Variants in CUL9 observed in about 807,000 individuals in gnomAD.
The protein encoded by CUL9 is cullin 9, also known as cullin-9.
In CUL9, 79 loss-of-function variants were observed where a neutral mutation model predicts 272.6. The ratio of observed to expected loss-of-function variants is 0.29; its 90% CI spans 0.24 to 0.35. CUL9 has a LOEUF of 0.35. CUL9 is among the 10% of genes least tolerant of loss of function. The pLI is 1.00. For synonymous variants in CUL9, 1,186 were observed against 1,286.5 expected, an observed-to-expected ratio of 0.92 and a Z score of 1.67; for missense variants, 2,532 against 3,255.6, an observed-to-expected ratio of 0.78 and a Z score of 5.41.
intron 11 of CUL9, 78 bp from the exon 12 acceptor site, chr6:43,198,531 G>A: frequency 1.3e-6 from 2 of 1,561,718 alleles, no homozygotes; most frequent in Non-Finnish European, 1.7e-6. Flanking sequence ...GTGATTTTCT[G>A]GACCTTCCCA....
rs1270604482 is a variant in CUL9 at position 43,213,065 on chromosome 6, A to G, written c.5213-84A>G. The stretch of plus-strand genomic sequence containing the variant: ...GGCCCTCCTCCCCATAGGGACTAGT[A>G]GGAGCAAAGCTTGACACCTCAACCC... On this transcript the variant is annotated intron_variant, in intron 26 of 40. Transcript: ENST00000252050. This position sits in a 1 kb window ranked among gnomAD's most constrained non-coding sequence, Gnocchi z 5.7. 2.0e-6 allele frequency: 3 copies of G among 1,481,212 alleles called. No individual in the cohort carries two copies. The highest frequency in any genetic ancestry group is 2.8e-6 in the Non-Finnish European group (3 of 1,083,052). 91.8% of individuals were successfully genotyped at this position (1,481,212 alleles called of 1,614,324 possible).
At chr6:43,210,725 A>C (rs1242293074) in intron 26 of CUL9, among the ~76,000 whole-genome samples, 2 of 152,148 alleles carry the variant, frequency 1.3e-5, no homozygotes, top group African/African-American at 2.4e-5. Flanking sequence ...ATGAATAACA[A>C]ATTCATAATA....
chr6:43,205,975 C>G, intron 24 of CUL9, 32 bp from the exon 25 acceptor site: 3 of 1,601,262 alleles, frequency 1.9e-6, no homozygotes, highest in South Asian at 1.1e-5. Context: ...GGCACCCACA[C>G]TGAGGCTTGG....
chr6:43,207,233 C>A (rs1775122441), intron 26 of CUL9, among the ~76,000 whole-genome samples: 2 of 152,124 alleles, frequency 1.3e-5, no homozygotes, highest in African/African-American at 4.8e-5. Flanking sequence ...TCCCTCATAC[C>A]CCCATCAAGA....
intron 10 of CUL9, 178 bp from the exon 11 acceptor site, chr6:43,196,467 C>CT: frequency 5.2e-6 from 4 of 774,118 alleles, no homozygotes; most frequent in Non-Finnish European, 8.5e-6. Flanking sequence ...CAGAGACACA[C>CT]TGACTTCCCT....
At chr6:43,189,530 A>G (rs1773247513) in intron 8 of CUL9, among the ~76,000 whole-genome samples, 1 of 150,972 alleles carries the variant, frequency 6.6e-6, no homozygotes, top group African/African-American at 2.4e-5. Context: ...TTCTCATTCT[A>G]TTTATTTATT....
intron 4 of CUL9, 54 bp from the exon 5 acceptor site, chr6:43,186,906 C>T (rs959999738): frequency 8.8e-6 from 14 of 1,596,486 alleles, no homozygotes; most frequent in Non-Finnish European, 1.2e-5. Flanking sequence ...CAGGCCAAGG[C>T]TCAGAGGGTT....
In CUL9 at chr6:43,198,996, G is replaced by A. The variant is rs1026517626; in HGVS notation, c.3050+141G>A. 7 of 1,162,628 alleles carry A rather than the reference G, an allele frequency of 6.0e-6. No homozygotes were observed. The African/African-American group carries it at 1.1e-4, about 18-fold the overall frequency. The allele number at this position is 1,162,628 out of a possible 1,614,324, so 72.0% of individuals were successfully genotyped here. A position where few individuals can be genotyped will look rare whatever the true frequency, so the allele number is the denominator to read the frequency against. The stretch of plus-strand genomic sequence containing the variant: ...TTGTTGCCCAGGCTGGAGTGCAATG[G>A]CACGATCTCAGCTCACTGCAACCTC... On this transcript the variant is annotated intron_variant, in intron 12 of 40. Transcript: ENST00000252050.
chr6:43,205,916 C>T (rs1231783701), intron 24 of CUL9, 91 bp from the exon 25 acceptor site: 14 of 1,095,720 alleles, frequency 1.3e-5, no homozygotes, highest in Non-Finnish European at 1.8e-5. Context: ...GTGACTCAGG[C>T]AGAGGGACAG....
At chr6:43,209,203 T>C (rs1293669797) in intron 26 of CUL9, among the ~76,000 whole-genome samples, 1 of 150,426 alleles carries the variant, frequency 6.6e-6, no homozygotes, top group African/African-American at 2.5e-5. Flanking sequence ...TGGAGTGTAG[T>C]GGCGTGATCT....
At chr6:43,187,657 A>AC (rs1394129474) in intron 6 of CUL9, 56 bp from the exon 7 acceptor site, 1 of 1,562,692 alleles carries the variant, frequency 6.4e-7, no homozygotes, top group East Asian at 2.2e-5. Context: ...CCCATTACTG[A>AC]CCCCAAGACC....
chr6:43,191,423 T>C (rs1192628040), intron 8 of CUL9, among the ~76,000 whole-genome samples: 3 of 150,750 alleles, frequency 2.0e-5, no homozygotes, highest in Non-Finnish European at 2.9e-5. Flanking sequence ...CTAGCAACCC[T>C]TCTTGCTTAT....
rs777153533 is a variant in CUL9, at chr6:43,203,716, T to C, written c.4025+124T>C. On this transcript the variant is annotated intron_variant, in intron 19 of 40. Coordinates refer to ENST00000252050, the MANE Select transcript of CUL9 (RefSeq NM_015089.4). This position sits in a 1 kb window ranked among gnomAD's most constrained non-coding sequence, Gnocchi z 5.0. ...CAGGACATGAGGGGGAAGGTGAACG[T>C]AGGTGAGAAGTTTGTGTTAATTGGG... The C allele has an allele frequency of 2.7e-6, 4 of 1,501,612 alleles. No homozygotes were observed. In the East Asian group the frequency reaches 6.8e-5, roughly 26 times the overall value. The allele number at this position is 1,501,612 out of a possible 1,614,324, so 93.0% of individuals were successfully genotyped here. A position where few individuals can be genotyped will look rare whatever the true frequency, so the allele number is the denominator to read the frequency against.
In CUL9 at chr6:43,200,535, C is replaced by G; in HGVS notation, c.3475+9C>G. On this transcript the variant is annotated intron_variant, in intron 15 of 40. Coordinates refer to ENST00000252050, the MANE Select transcript of CUL9 (RefSeq NM_015089.4). The surrounding 1 kb of genome is among the most constrained non-coding windows in gnomAD (Gnocchi z 4.0). ...CAGGCATCTCTGCCAGGGTTAGTGC[C>G]CTCATCTGCTTTCTCCTGGCTCCCA... The G allele has an allele frequency of 6.2e-7, 1 of 1,614,168 alleles. No individual in the cohort carries two copies. The highest frequency in any genetic ancestry group is 8.5e-7 in the Non-Finnish European group (1 of 1,180,030).
chr6:43,196,391 G>A, intron 10 of CUL9, 126 bp downstream of exon 10: 1 of 997,498 alleles, frequency 1.0e-6, no homozygotes, highest in East Asian at 2.6e-5. Flanking sequence ...AAGCATTGGT[G>A]GCGCTGCCAA....
Position 43,224,218 on chromosome 6 carries a change from T to G in CUL9, c.7359-32T>G. 2 of 1,614,112 alleles carry G rather than the reference T, an allele frequency of 1.2e-6. No individual in the cohort carries two copies. The highest frequency in any genetic ancestry group is 2.2e-5 in the South Asian group (2 of 91,086). ...GAGGAGGCAGTGGGACATGGCAGCCTCCTCTGGGCTGAGTGTGGTGGCTCT... is the reference window on the plus strand; with the variant it reads ...GAGGAGGCAGTGGGACATGGCAGCCGCCTCTGGGCTGAGTGTGGTGGCTCT... On this transcript the variant is annotated intron_variant, in intron 40 of 40. Transcript: ENST00000252050. The surrounding 1 kb of genome is among the most constrained non-coding windows in gnomAD (Gnocchi z 4.2).
chr6:43,223,898 G>A lies in CUL9; in HGVS notation c.7285-197G>A. 1 of 622,490 alleles carries A rather than the reference G, an allele frequency of 1.6e-6. No homozygotes were observed. Among genetic ancestry groups the A allele is most frequent in the Non-Finnish European group, 2.9e-6 (1 of 347,182 alleles). 38.6% of individuals were successfully genotyped at this position (622,490 alleles called of 1,614,324 possible). On this transcript the variant is annotated intron_variant, in intron 39 of 40. Coordinates refer to ENST00000252050, the MANE Select transcript of CUL9 (RefSeq NM_015089.4). This position sits in a 1 kb window ranked among gnomAD's most constrained non-coding sequence, Gnocchi z 4.1. ...AAGCTCTTTAAGCACAGGGTCGTGT[G>A]CCTCACCTGGTACCCCGTATCCCTG...
intron 31 of CUL9, among the ~76,000 whole-genome samples, chr6:43,219,737 G>T (rs985481639): frequency 6.6e-6 from 1 of 152,184 alleles, no homozygotes. Flanking sequence ...AGGCTCAGAC[G>T]GCTGCAACGG....
intron 31 of CUL9, among the ~76,000 whole-genome samples, chr6:43,217,590 G>T (rs776421939): frequency 4.6e-5 from 7 of 152,188 alleles, no homozygotes; most frequent in Non-Finnish European, 1.0e-4. Context: ...TCTGCCAACA[G>T]CGTTTCCCCA....
Sources: allele counts gnomAD v4.1 joint callset (sites outside exome capture counted in the v4.1 genomes callset), GRCh38; gene constraint gnomAD v4.1.1; non-coding constraint Gnocchi (gnomAD v3.1); transcripts MANE v1.5; gene names NCBI Gene and HGNC (gene_info 2026-07-23, HGNC 2026-07-21).